Variants in PHF14 observed in about 807,000 individuals in gnomAD.
PHF14 encodes PHD finger protein 14.
A neutral mutation model predicts 117.9 loss-of-function variants in PHF14; 55 were observed. The ratio of observed to expected loss-of-function variants is 0.47; its 90% CI spans 0.38 to 0.58. PHF14 has a LOEUF of 0.58. PHF14 is among the 20% of genes least tolerant of loss of function. The pLI, the probability that PHF14 is intolerant of heterozygous loss-of-function variation, is 0.00. For synonymous variants in PHF14, 409 were observed against 368.6 expected, an observed-to-expected ratio of 1.11 and a Z score of -1.26; for missense variants, 978 against 1,122.2, an observed-to-expected ratio of 0.87 and a Z score of 1.84.
chr7:11,000,919 T>G (rs1782847772), intron 4 of PHF14, among the ~76,000 whole-genome samples: 1 of 152,120 alleles, frequency 6.6e-6, no homozygotes, highest in East Asian at 1.9e-4. Context: ...TGGTCTTGTA[T>G]CTAAAAAGTC....
chr7:11,145,638 T>G (rs1788528401), intron 17 of PHF14, among the ~76,000 whole-genome samples: 1 of 151,988 alleles, frequency 6.6e-6, no homozygotes, highest in South Asian at 2.1e-4. Context: ...AAAATTATAT[T>G]AATATACTTC....
At chr7:11,109,257 G>A (rs1240485998) in intron 16 of PHF14, 1 of 151,728 alleles carries the variant, frequency 6.6e-6, no homozygotes, top group Admixed American at 6.6e-5. Flanking sequence ...TTTCAGGCAA[G>A]TGAGGACCCT....
At chr7:11,153,517 T>A (rs1309105665) in intron 17 of PHF14, among the ~76,000 whole-genome samples, 1 of 152,054 alleles carries the variant, frequency 6.6e-6, no homozygotes, top group African/African-American at 2.4e-5. Context: ...TAAAGCATGG[T>A]ATAGATGTGA....
At chr7:11,150,613 G>A (rs926344418) in intron 17 of PHF14, among the ~76,000 whole-genome samples, 3 of 152,120 alleles carry the variant, frequency 2.0e-5, no homozygotes, top group Non-Finnish European at 4.4e-5. Flanking sequence ...TTTAAATAAT[G>A]CATAGAGATT....
At position 11,036,354 on chromosome 7, in the gene PHF14, A is replaced by G. The variant is rs2128322329; in HGVS notation, c.1603-64A>G. 3 of 1,337,516 alleles carry G rather than the reference A, an allele frequency of 2.2e-6. No homozygotes were observed. The Middle Eastern group carries it at 5.6e-4, about 248-fold the overall frequency. The allele number at this position is 1,337,516 out of a possible 1,614,324, so 82.9% of individuals were successfully genotyped here. On this transcript the variant is annotated intron_variant, in intron 8 of 17. Transcript: ENST00000634607. ...TGAACATGGGAATAAAAATCAATGTAAAAATCTTAAGGAACATGTTTCATT... is the reference window on the plus strand; with the variant it reads ...TGAACATGGGAATAAAAATCAATGTGAAAATCTTAAGGAACATGTTTCATT...
chr7:11,060,167 G>T (rs1470577703), intron 14 of PHF14, among the ~76,000 whole-genome samples: 1 of 152,228 alleles, frequency 6.6e-6, no homozygotes, highest in African/African-American at 2.4e-5. Context: ...GTGAGCCATG[G>T]TGCCTGGCCT....
At chr7:11,045,764 A>G (rs1244111640) in intron 13 of PHF14, among the ~76,000 whole-genome samples, 1 of 152,168 alleles carries the variant, frequency 6.6e-6, no homozygotes, top group Non-Finnish European at 1.5e-5. Context: ...TTCACCTTGG[A>G]CAGGCTCAGA....
chr7:11,084,281 G>T (rs1786288357), intron 16 of PHF14, among the ~76,000 whole-genome samples: 1 of 152,100 alleles, frequency 6.6e-6, no homozygotes, highest in South Asian at 2.1e-4. Context: ...GAAGATAATA[G>T]CAATTAGAAC....
intron 17 of PHF14, among the ~76,000 whole-genome samples, chr7:11,117,429 C>T (rs531813242): frequency 1.5e-4 from 22 of 151,628 alleles, no homozygotes; most frequent in African/African-American, 5.1e-4. Flanking sequence ...ACTACAAATG[C>T]GTGACAGACT....
At chr7:11,169,362 C>A (rs28394821) in intron 17 of PHF14, 54 bp from the exon 18 acceptor site, 305,713 of 794,232 alleles carry the variant, frequency 0.38, 59,926 homozygotes, top group Admixed American at 0.48. Flanking sequence ...TCAAGTATAG[C>A]TGATAAATGC....
At chr7:11,139,481 C>T (rs953657303) in intron 17 of PHF14, among the ~76,000 whole-genome samples, 3 of 152,076 alleles carry the variant, frequency 2.0e-5, no homozygotes, top group African/African-American at 7.2e-5. Flanking sequence ...ATCAAGTTAG[C>T]CTAATGGAGT....
At chr7:11,105,889 G>A (rs1787245248) in intron 16 of PHF14, 1 of 982,758 alleles carries the variant, frequency 1.0e-6, no homozygotes, top group Admixed American at 6.2e-5. Context: ...GTAAAATCAG[G>A]ATCTACACTA....
chr7:11,122,106 G>A (rs553854757), intron 17 of PHF14, among the ~76,000 whole-genome samples: 1 of 151,344 alleles, frequency 6.6e-6, no homozygotes, highest in Admixed American at 6.6e-5. Context: ...GTGAGAACAT[G>A]GGGTGTTTGG....
intron 5 of PHF14, among the ~76,000 whole-genome samples, chr7:11,017,374 C>G (rs547151269): frequency 1.3e-5 from 2 of 152,168 alleles, no homozygotes; most frequent in Non-Finnish European, 2.9e-5. Context: ...TACAAGGGTT[C>G]CCTTTTCTCC....
At chr7:11,015,893 T>C (rs1284780098) in intron 5 of PHF14, among the ~76,000 whole-genome samples, 2 of 151,232 alleles carry the variant, frequency 1.3e-5, no homozygotes, top group Non-Finnish European at 2.9e-5. Flanking sequence ...TTGTGGTGAA[T>C]AAGTAAGGCA....
chr7:11,089,305 A>G (rs1472330798), intron 16 of PHF14, among the ~76,000 whole-genome samples: 3 of 152,230 alleles, frequency 2.0e-5, no homozygotes, highest in East Asian at 1.9e-4. Flanking sequence ...GTGTAAGGAT[A>G]TGTTCATTGA....
intron 3 of PHF14, among the ~76,000 whole-genome samples, chr7:10,985,317 T>C (rs565842297): frequency 6.6e-6 from 1 of 152,286 alleles, no homozygotes; most frequent in South Asian, 2.1e-4. Context: ...AGTTTGATTT[T>C]CCCTGCTTTT....
chr7:11,111,597 G>C lies in PHF14; in HGVS notation c.2772+130G>C, dbSNP rs116509038. ...CAACATTTTAACCAGTACACCTTAA[G>C]AATATATTGCTATGGTTATTTTCTT... On this transcript the variant is annotated intron_variant, in intron 17 of 17. Coordinates refer to ENST00000634607, the MANE Select transcript of PHF14 (RefSeq NM_001007157.2). 2,416 of 487,312 alleles carry C rather than the reference G, an allele frequency of 5.0e-3. 32 individuals are homozygous for C. The highest frequency in any genetic ancestry group is 0.044 in the African/African-American group (2,201 of 49,964). The allele number at this position is 487,312 out of a possible 1,614,324, so 30.2% of individuals were successfully genotyped here.
chr7:11,149,923 CAA>C (rs1788659141), intron 17 of PHF14, among the ~76,000 whole-genome samples: 3 of 151,882 alleles, frequency 2.0e-5, no homozygotes, highest in Admixed American at 2.0e-4. Context: ...ATCTCTAAAA[CAA>C]GATTAAATAA....
Sources: gnomAD v4.1 joint callset for allele counts (sites outside exome capture counted in the v4.1 genomes callset) on GRCh38, gnomAD v4.1.1 for gene constraint, MANE v1.5 for transcripts, NCBI Gene and HGNC (gene_info 2026-07-23, HGNC 2026-07-21) for gene names.